RGS17: variants seen among roughly 807,000 people sequenced by gnomAD.
RGS17 encodes regulator of G protein signaling 17.
A neutral mutation model predicts 25.5 loss-of-function variants in RGS17; 12 were observed. The observed-to-expected ratio is 0.47, with a 90% CI of 0.30 to 0.76. The LOEUF (loss-of-function observed/expected upper bound fraction) is 0.76, where lower values mean the gene tolerates loss of function less well. Among genes scored for constraint, RGS17 ranks in the 30% least tolerant of loss-of-function variants. The pLI, the probability that RGS17 is intolerant of heterozygous loss-of-function variation, is 0.07. For synonymous variants in RGS17, 71 were observed against 76.9 expected (o/e 0.92, Z 0.40); for missense variants, 196 against 242.2 (o/e 0.81, Z 1.27).
intron 1 of RGS17, among the ~76,000 whole-genome samples, chr6:153,124,901 C>T (rs1196986838): frequency 6.6e-6 from 1 of 152,146 alleles, no homozygotes; most frequent in Non-Finnish European, 1.5e-5. Context: ...AGAGCCAAAA[C>T]TGACTCATAA....
intron 1 of RGS17, among the ~76,000 whole-genome samples, chr6:153,082,326 C>A (rs1203255895): frequency 1.3e-5 from 2 of 152,134 alleles, no homozygotes; most frequent in African/African-American, 4.8e-5. Flanking sequence ...CTTCCAAATT[C>A]TGGAAGTTCA....
intron 1 of RGS17, among the ~76,000 whole-genome samples, chr6:153,120,847 CCTTT>C (rs3083482): frequency 0.46 from 69,439 of 151,590 alleles, 16,491 homozygotes; most frequent in East Asian, 0.85. Context: ...CCTGGAGACA[CCTTT>C]CTTTGTCTGT....
chr6:153,026,441 T>C lies in RGS17; in HGVS notation c.209+13A>G. The C allele has an allele frequency of 6.3e-7, 1 of 1,593,044 alleles. No individual in the cohort carries two copies. Among genetic ancestry groups the C allele is most frequent in the African/African-American group, 1.3e-5 (1 of 74,600 alleles). On this transcript the variant is annotated intron_variant, in intron 3 of 4. Transcript: ENST00000206262. ...AATGCAAGAAACAATAGCTATGTGG[T>C]TCTCACACTCACCATTCCTCTAGGA...
chr6:153,071,255 C>T (rs1012499851), intron 1 of RGS17, among the ~76,000 whole-genome samples: 2 of 151,158 alleles, frequency 1.3e-5, no homozygotes, highest in East Asian at 1.9e-4. Context: ...CTATAAGGTA[C>T]TGAGCATATA....
At chr6:153,052,066 C>T (rs961680092) in intron 1 of RGS17, among the ~76,000 whole-genome samples, 3 of 152,146 alleles carry the variant, frequency 2.0e-5, no homozygotes, top group African/African-American at 4.8e-5. Flanking sequence ...AGGGCTTCAT[C>T]CTATGTTGCA....
At chr6:153,065,797 C>G (rs6914676) in intron 1 of RGS17, among the ~76,000 whole-genome samples, 58,071 of 151,530 alleles carry the variant, frequency 0.38, 11,741 homozygotes, top group East Asian at 0.62. Flanking sequence ...TAAGAGTGAA[C>G]TTTATAGATG....
chr6:153,099,177 A>C (rs1177074631), intron 1 of RGS17, among the ~76,000 whole-genome samples: 1 of 152,192 alleles, frequency 6.6e-6, no homozygotes, highest in East Asian at 1.9e-4. Flanking sequence ...AGTTGAAATA[A>C]AAGTGCCATC....
chr6:153,092,638 A>C (rs1396153351), intron 1 of RGS17, among the ~76,000 whole-genome samples: 1 of 152,246 alleles, frequency 6.6e-6, no homozygotes, highest in Admixed American at 6.5e-5. Context: ...CACTTAAAAA[A>C]TACCTCTCAG....
At chr6:153,042,387 G>A (rs1252257151) in intron 2 of RGS17, among the ~76,000 whole-genome samples, 3 of 152,068 alleles carry the variant, frequency 2.0e-5, no homozygotes, top group Non-Finnish European at 1.5e-5. Context: ...TTTTTCCCAC[G>A]CTGTCCTCAT....
chr6:153,019,289 T>C (rs894144089), intron 4 of RGS17, among the ~76,000 whole-genome samples: 4 of 152,192 alleles, frequency 2.6e-5, no homozygotes, highest in Non-Finnish European at 5.9e-5. Flanking sequence ...AACTGGACCA[T>C]GGTTTTCTTC....
chr6:153,042,167 T>G (rs1481865692), intron 2 of RGS17, among the ~76,000 whole-genome samples: 1 of 152,212 alleles, frequency 6.6e-6, no homozygotes, highest in Non-Finnish European at 1.5e-5. Context: ...AGAAAAAGAT[T>G]ACACAACTAT....
At chr6:153,122,945 T>C (rs28422181) in intron 1 of RGS17, among the ~76,000 whole-genome samples, 124 of 140,700 alleles carry the variant, frequency 8.8e-4, no homozygotes, top group South Asian at 1.7e-3. Flanking sequence ...CCAATGTACA[T>C]TGGAGTAAAT....
intron 2 of RGS17, among the ~76,000 whole-genome samples, chr6:153,029,748 G>A (rs1291374851): frequency 2.0e-5 from 3 of 152,046 alleles, no homozygotes; most frequent in African/African-American, 7.2e-5. Flanking sequence ...CCGCCACCAT[G>A]CCCAGCTAAT....
At chr6:153,051,079 A>T (rs554725599) in intron 1 of RGS17, among the ~76,000 whole-genome samples, 1 of 152,332 alleles carries the variant, frequency 6.6e-6, no homozygotes, top group East Asian at 1.9e-4. Context: ...AATCACCTTG[A>T]TCTTGAACTT....
At chr6:153,121,815 CTATT>C (rs1584168222) in intron 1 of RGS17, among the ~76,000 whole-genome samples, 1 of 152,244 alleles carries the variant, frequency 6.6e-6, no homozygotes, top group East Asian at 1.9e-4. Context: ...GAATTTTAAA[CTATT>C]TAACATAACC....
intron 2 of RGS17, among the ~76,000 whole-genome samples, chr6:153,039,001 T>C (rs529478452): frequency 1.3e-5 from 2 of 152,298 alleles, no homozygotes; most frequent in African/African-American, 4.8e-5. Context: ...CTAGTTAATT[T>C]ACTAAATTCA....
At chr6:153,058,834 T>C (rs912783193) in intron 1 of RGS17, among the ~76,000 whole-genome samples, 1 of 152,056 alleles carries the variant, frequency 6.6e-6, no homozygotes, top group Non-Finnish European at 1.5e-5. Context: ...TCATGACCCA[T>C]TTACCTAAAA....
Position 153,054,102 on chromosome 6 carries a change from A to ATGTG in RGS17, c.-25-10060_-25-10059insCACA, listed in dbSNP as rs1398349694. 5.4e-3 allele frequency among the ~76,000 whole-genome samples: 538 copies of ATGTG among 99,178 alleles called. 91 individuals are homozygous for ATGTG. The highest frequency in any genetic ancestry group is 0.019 in the African/African-American group (464 of 24,266). 65.1% of individuals were successfully genotyped at this position (99,178 alleles called of 152,430 possible). A position where few individuals can be genotyped will look rare whatever the true frequency, so the allele number is the denominator to read the frequency against. On this transcript the variant is annotated intron_variant, in intron 1 of 4. Coordinates refer to ENST00000206262, the MANE Select transcript of RGS17 (RefSeq NM_012419.5). ...TACACACAATATTTTTTATATATATATATATATATATGTGTATATATATAT... is the reference window on the plus strand; with the variant it reads ...TACACACAATATTTTTTATATATATATGTGTATATATATATGTGTATATATATAT...
chr6:153,117,368 C>A (rs1398788959), intron 1 of RGS17, among the ~76,000 whole-genome samples: 3 of 152,142 alleles, frequency 2.0e-5, no homozygotes, highest in Non-Finnish European at 4.4e-5. Flanking sequence ...CCCACCAGGT[C>A]TCTCCCTAAA....
Sources: allele counts gnomAD v4.1 joint callset (sites outside exome capture counted in the v4.1 genomes callset), GRCh38; gene constraint gnomAD v4.1.1; transcripts MANE v1.5; gene names NCBI Gene and HGNC (gene_info 2026-07-23, HGNC 2026-07-21).